Variants in ALK observed in about 807,000 individuals in gnomAD.
ALK encodes ALK receptor tyrosine kinase, also known as ALK tyrosine kinase receptor.
ALK carries 74 observed loss-of-function variants against 163.1 expected under a neutral mutation model. The observed-to-expected ratio is 0.45, with a 90% CI of 0.38 to 0.55. The LOEUF (loss-of-function observed/expected upper bound fraction) is 0.55, where lower values mean the gene tolerates loss of function less well. Among genes scored for constraint, ALK ranks in the 20% least tolerant of loss-of-function variants. The pLI, the probability that ALK is intolerant of heterozygous loss-of-function variation, is 0.00. For synonymous variants in ALK, 960 were observed against 843.2 expected (o/e 1.14, Z -2.40); for missense variants, 2,063 against 2,105.3 (o/e 0.98, Z 0.39).
intron 13 of ALK, among the ~76,000 whole-genome samples, chr2:29,235,049 C>T (rs1573143411): frequency 6.6e-6 from 1 of 152,344 alleles, no homozygotes; most frequent in South Asian, 2.1e-4. Flanking sequence ...TCTGGGCCCA[C>T]ATATGCTCCT....
intron 8 of ALK, among the ~76,000 whole-genome samples, chr2:29,313,823 C>T (rs1322051069): frequency 6.6e-6 from 1 of 152,114 alleles, no homozygotes; most frequent in Non-Finnish European, 1.5e-5. Flanking sequence ...GGAAGGTCCC[C>T]TTCTGCTTTT....
intron 6 of ALK, among the ~76,000 whole-genome samples, chr2:29,324,688 G>C (rs1370958608): frequency 1.3e-5 from 2 of 152,322 alleles, no homozygotes; most frequent in African/African-American, 4.8e-5. Context: ...TTTCTAGGGA[G>C]CCACATGCCA....
chr2:29,207,246 C>T lies in ALK; in HGVS notation c.3863G>A (p.Cys1288Tyr), dbSNP rs760931577. The change falls in exon 26 of 29, where the codon TGT (cysteine) becomes TAT (tyrosine). Residue 1288 changes from cysteine to tyrosine, a missense_variant. By Grantham distance (194) the Cys-to-Tyr change is radical (BLOSUM62 -2). Transcript: ENST00000389048. ...CATCCACTTAACTGGCAGCATGGCA[C>T]AGCCTCCCTTTCTATAGTAGCTCGC... is the stretch of plus-strand genomic sequence containing the variant. Reference protein sequence around the residue: ...YRASYYRKGGCAMLPVKWMPP... With the variant: ...YRASYYRKGGYAMLPVKWMPP... 1 of 1,614,158 alleles carries T rather than the reference C, an allele frequency of 6.2e-7. No individual in the cohort carries two copies.
At chr2:29,232,170 A>G (rs1220260482) in intron 15 of ALK, 134 bp downstream of exon 15, 2 of 1,253,958 alleles carry the variant, frequency 1.6e-6, no homozygotes. Context: ...CTCCCTGGAT[A>G]TCGGTACCAA....
At chr2:29,686,168 C>T (rs1260050452) in intron 3 of ALK, among the ~76,000 whole-genome samples, 2 of 152,166 alleles carry the variant, frequency 1.3e-5, no homozygotes, top group South Asian at 2.1e-4. Flanking sequence ...ATTAATTTGC[C>T]AATACTAGTT....
chr2:29,580,730 T>C (rs565414108), intron 3 of ALK, among the ~76,000 whole-genome samples: 3 of 152,302 alleles, frequency 2.0e-5, no homozygotes, highest in African/African-American at 7.2e-5. Context: ...GACAGTTTGG[T>C]TCAGCTTGAA....
intron 1 of ALK, among the ~76,000 whole-genome samples, chr2:29,766,513 A>G (rs1680867329): frequency 6.6e-6 from 1 of 152,178 alleles, no homozygotes; most frequent in African/African-American, 2.4e-5. Context: ...TCATTCATCA[A>G]GACATACCCT....
chr2:29,318,569 CTTT>C (rs71403658), intron 7 of ALK, among the ~76,000 whole-genome samples, 165 bp from the exon 8 acceptor site: 5 of 142,298 alleles, frequency 3.5e-5, no homozygotes, highest in Non-Finnish European at 3.1e-5. Context: ...TCAACAATTT[CTTT>C]TTTTTTTTTT....
At chr2:29,593,937 A>G (rs1427796025) in intron 3 of ALK, among the ~76,000 whole-genome samples, 2 of 152,198 alleles carry the variant, frequency 1.3e-5, no homozygotes, top group Non-Finnish European at 2.9e-5. Flanking sequence ...AAAATATGCG[A>G]ACTTACAATT....
intron 1 of ALK, among the ~76,000 whole-genome samples, chr2:29,915,737 A>G (rs1667817713): frequency 6.6e-6 from 1 of 152,184 alleles, no homozygotes; most frequent in African/African-American, 2.4e-5. Flanking sequence ...TCTTCTCAAG[A>G]CACAGGTCAC....
intron 1 of ALK, among the ~76,000 whole-genome samples, chr2:29,724,768 G>C (rs893351358): frequency 6.6e-6 from 1 of 152,042 alleles, no homozygotes; most frequent in Non-Finnish European, 1.5e-5. Flanking sequence ...CTTCCAGCTG[G>C]CTCATTCAGA....
In ALK at chr2:29,698,100, G is replaced by A. The variant is rs369463395; in HGVS notation, c.788-3086C>T. 8.5e-5 allele frequency among the ~76,000 whole-genome samples: 13 copies of A among 152,250 alleles called. No homozygotes were observed. The East Asian group carries it at 2.1e-3, about 25-fold the overall frequency. On this transcript the variant is annotated intron_variant, in intron 2 of 28. Coordinates refer to ENST00000389048, the MANE Select transcript of ALK (RefSeq NM_004304.5). ...AGGTTAATACTCCTTGCCCTTTCAC[G>A]ATTCAGACAACTTGCCTTCATAGTG...
At chr2:29,213,575 C>T (rs1461779615) in intron 24 of ALK, among the ~76,000 whole-genome samples, 3 of 152,128 alleles carry the variant, frequency 2.0e-5, no homozygotes, top group Non-Finnish European at 4.4e-5. Context: ...CAGGGGTCCT[C>T]ACAGGAGGTT....
chr2:29,714,151 G>A (rs1295584645), intron 2 of ALK, among the ~76,000 whole-genome samples: 1 of 152,098 alleles, frequency 6.6e-6, no homozygotes, highest in African/African-American at 2.4e-5. Context: ...GGGCATGAGA[G>A]CTGATGATAA....
chr2:29,871,545 T>A (rs1050118975), intron 1 of ALK, among the ~76,000 whole-genome samples: 4 of 152,146 alleles, frequency 2.6e-5, no homozygotes, highest in Admixed American at 2.6e-4. Context: ...ATGCCCAGCA[T>A]CTAAGAGCAA....
At chr2:29,813,239 G>T (rs1052665422) in intron 1 of ALK, among the ~76,000 whole-genome samples, 1 of 152,136 alleles carries the variant, frequency 6.6e-6, no homozygotes, top group African/African-American at 2.4e-5. Flanking sequence ...TAGAGGTTCC[G>T]CACTGTGCCA....
intron 27 of ALK, 99 bp from the exon 28 acceptor site, chr2:29,196,959 C>A (rs1013982638): frequency 1.0e-6 from 1 of 981,062 alleles, no homozygotes; most frequent in Non-Finnish European, 1.6e-6. Context: ...GTTGAGGGTG[C>A]GAACTCGTCT....
chr2:29,222,559 G>A lies in ALK; in HGVS notation c.3408C>T (p.Ser1136=), dbSNP rs56146053. The A allele has an allele frequency of 4.8e-3, 7,757 of 1,613,970 alleles. 323 individuals are homozygous for A. The African/African-American group carries it at 0.092, about 19-fold the overall frequency. ...AFGEVYEGQV[S]GMPNDPSPLQ... ...GGGGGCTTGGGTCGTTGGGCATTCC[G>A]GACACCTGGCCTTCATACACCTCCC... is the stretch of plus-strand genomic sequence containing the variant. Residue 1136 remains serine, a synonymous_variant, in exon 21 of 29, where the codon TCC becomes TCT. Transcript: ENST00000389048.
At chr2:29,217,878 G>C (rs1165973257) in intron 23 of ALK, among the ~76,000 whole-genome samples, 2 of 106,430 alleles carry the variant, frequency 1.9e-5, no homozygotes, top group East Asian at 9.7e-4. Flanking sequence ...TTCTCTTCAT[G>C]GCACATGTTT....
Sources: allele counts gnomAD v4.1 joint callset (sites outside exome capture counted in the v4.1 genomes callset), GRCh38; gene constraint gnomAD v4.1.1; transcripts MANE v1.5; gene names NCBI Gene and HGNC (gene_info 2026-07-23, HGNC 2026-07-21).